The following ERBB4 variants were observed in gnomAD, a reference collection of about 807,000 sequenced individuals.
The protein encoded by ERBB4 is receptor tyrosine-protein kinase erbB-4.
Under a neutral mutation model 158.0 loss-of-function variants are expected in ERBB4, and 42 were observed. The ratio of observed to expected loss-of-function variants is 0.27; its 90% CI spans 0.21 to 0.34. The LOEUF (loss-of-function observed/expected upper bound fraction) is 0.34, where lower values mean the gene tolerates loss of function less well. ERBB4 is among the 10% of genes least tolerant of loss of function. The pLI, the probability that ERBB4 is intolerant of heterozygous loss-of-function variation, is 1.00. For synonymous variants in ERBB4, 583 were observed against 558.7 expected, an observed-to-expected ratio of 1.04 and a Z score of -0.61; for missense variants, 1,333 against 1,624.1, an observed-to-expected ratio of 0.82 and a Z score of 3.08.
intron 4 of ERBB4, among the ~76,000 whole-genome samples, chr2:211,770,553 T>C (rs912758014): frequency 6.6e-6 from 1 of 152,234 alleles, no homozygotes; most frequent in Non-Finnish European, 1.5e-5. Flanking sequence ...AAAATTCACA[T>C]ATTTTAGTGA....
chr2:212,218,458 T>A (rs534383199), intron 1 of ERBB4, among the ~76,000 whole-genome samples: 1 of 151,246 alleles, frequency 6.6e-6, no homozygotes. Context: ...TGCTTACTAT[T>A]AAGGAAGCCT....
chr2:212,008,602 C>G (rs531045158), intron 2 of ERBB4, among the ~76,000 whole-genome samples: 1 of 152,172 alleles, frequency 6.6e-6, no homozygotes, highest in East Asian at 1.9e-4. Context: ...CTCATTTTAA[C>G]AGTTCACAAC....
At chr2:212,016,498 G>T (rs1468352107) in intron 2 of ERBB4, among the ~76,000 whole-genome samples, 1 of 151,550 alleles carries the variant, frequency 6.6e-6, no homozygotes, top group Non-Finnish European at 1.5e-5. Flanking sequence ...AAATCTACTG[G>T]CATATCATGC....
chr2:211,540,890 T>A (rs1254029499), intron 20 of ERBB4, among the ~76,000 whole-genome samples: 2 of 152,020 alleles, frequency 1.3e-5, no homozygotes, highest in Non-Finnish European at 2.9e-5. Flanking sequence ...CTAATTGATA[T>A]AAACAAGAGT....
chr2:211,740,302 T>A (rs1448838192), intron 5 of ERBB4, among the ~76,000 whole-genome samples: 2 of 146,034 alleles, frequency 1.4e-5, no homozygotes, highest in South Asian at 4.1e-4. Flanking sequence ...TTTTGTATGT[T>A]TTTATAACTC....
At chr2:212,530,336 G>T (rs531809480) in intron 1 of ERBB4, among the ~76,000 whole-genome samples, 2 of 152,120 alleles carry the variant, frequency 1.3e-5, no homozygotes, top group African/African-American at 4.8e-5. Flanking sequence ...TCCTGAAAAT[G>T]AAAGTATGTG....
intron 20 of ERBB4, among the ~76,000 whole-genome samples, chr2:211,530,171 G>T (rs1404446578): frequency 6.6e-6 from 1 of 152,004 alleles, no homozygotes; most frequent in Non-Finnish European, 1.5e-5. Context: ...ACAAAATCAA[G>T]ATATAGAAAT....
At chr2:211,811,850 T>C (rs1429484614) in intron 3 of ERBB4, among the ~76,000 whole-genome samples, 5 of 152,164 alleles carry the variant, frequency 3.3e-5, no homozygotes, top group Admixed American at 6.5e-5. Context: ...TCTCGTGCCA[T>C]GGTTTTCAGC....
chr2:212,357,570 A>G (rs1288374347), intron 1 of ERBB4, among the ~76,000 whole-genome samples: 1 of 151,846 alleles, frequency 6.6e-6, no homozygotes, highest in African/African-American at 2.4e-5. Context: ...TCTTTTTCCC[A>G]TATTCATTTT....
rs1264399446 is a variant in ERBB4 at position 211,693,854 on chromosome 2, T to G, written c.1489+8113A>C. 3.3e-5 allele frequency among the ~76,000 whole-genome samples: 5 copies of G among 152,270 alleles called. No individual in the cohort carries two copies. In the South Asian group the frequency reaches 6.2e-4, roughly 19 times the overall value. On this transcript the variant is annotated intron_variant, in intron 12 of 27. Transcript: ENST00000342788. ...TTCTTGGGCTCTCAGAGGGAGAATG[T>G]TCTATGGTCCTCCCCTAGCTTCTGG...
intron 2 of ERBB4, among the ~76,000 whole-genome samples, chr2:212,110,459 G>A (rs989560095): frequency 2.0e-5 from 3 of 152,166 alleles, no homozygotes; most frequent in Non-Finnish European, 2.9e-5. Flanking sequence ...TGACCCCATG[G>A]GCTTTGACAC....
chr2:212,460,063 T>C (rs1449927886), intron 1 of ERBB4, among the ~76,000 whole-genome samples: 1 of 152,114 alleles, frequency 6.6e-6, no homozygotes, highest in Non-Finnish European at 1.5e-5. Flanking sequence ...CTGATGGTTT[T>C]AAAAAGAGTA....
At chr2:212,453,817 ATCAACCTG>A (rs947011567) in intron 1 of ERBB4, among the ~76,000 whole-genome samples, 11 of 152,238 alleles carry the variant, frequency 7.2e-5, no homozygotes, top group Admixed American at 6.5e-4. Flanking sequence ...ACGTAGTTTT[ATCAACCTG>A]TCAGACATCT....
intron 3 of ERBB4, among the ~76,000 whole-genome samples, chr2:211,887,684 C>T (rs1224582662): frequency 6.6e-5 from 10 of 152,118 alleles, no homozygotes; most frequent in Non-Finnish European, 1.3e-4. Context: ...TAATATTCCT[C>T]CAGTGTTGTT....
chr2:212,358,515 T>C (rs1338923658), intron 1 of ERBB4, among the ~76,000 whole-genome samples: 1 of 151,790 alleles, frequency 6.6e-6, no homozygotes, highest in Admixed American at 6.6e-5. Flanking sequence ...TATTCCTTGA[T>C]TAAATCATCT....
intron 1 of ERBB4, among the ~76,000 whole-genome samples, chr2:212,470,871 G>C (rs1368721821): frequency 2.6e-5 from 4 of 151,928 alleles, no homozygotes; most frequent in Non-Finnish European, 5.9e-5. Flanking sequence ...AAAAGAAGCA[G>C]ATACCAATAA....
At chr2:212,129,001 A>G (rs1477832258) in intron 1 of ERBB4, among the ~76,000 whole-genome samples, 1 of 152,094 alleles carries the variant, frequency 6.6e-6, no homozygotes, top group African/African-American at 2.4e-5. Flanking sequence ...AACTAATAAA[A>G]TGACTGTTGA....
chr2:211,817,312 T>C (rs988956159), intron 3 of ERBB4, among the ~76,000 whole-genome samples: 2 of 152,156 alleles, frequency 1.3e-5, no homozygotes, highest in Non-Finnish European at 2.9e-5. Flanking sequence ...AACCTTTACA[T>C]TTGGAGCCTC....
chr2:212,369,828 A>T (rs2090024026), intron 1 of ERBB4, among the ~76,000 whole-genome samples: 2 of 151,932 alleles, frequency 1.3e-5, no homozygotes, highest in Non-Finnish European at 2.9e-5. Flanking sequence ...AATAGCTAGG[A>T]TTACAGGCAT....
Sources: gnomAD v4.1 joint callset for allele counts (sites outside exome capture counted in the v4.1 genomes callset) on GRCh38, gnomAD v4.1.1 for gene constraint, MANE v1.5 for transcripts, NCBI Gene and HGNC (gene_info 2026-07-23, HGNC 2026-07-21) for gene names.